PLCG2: variants seen among roughly 807,000 people sequenced by gnomAD.
PLCG2 encodes phospholipase C gamma 2.
In PLCG2, 69 loss-of-function variants were observed where a neutral mutation model predicts 175.6. That is an observed-to-expected ratio of 0.39 (90% CI 0.32 to 0.48). The LOEUF is 0.48. Ranked by LOEUF, PLCG2 falls within the 20% of genes least tolerant of loss-of-function variation. PLCG2 has a pLI of 0.91. For synonymous variants in PLCG2, 827 were observed against 624.0 expected (o/e 1.33, Z -4.85); for missense variants, 1,798 against 1,650.9 (o/e 1.09, Z -1.54).
chr16:81,943,485 C>T (rs1187165973), intron 30 of PLCG2, among the ~76,000 whole-genome samples: 2 of 152,164 alleles, frequency 1.3e-5, no homozygotes, highest in East Asian at 1.9e-4. Context: ...CCAGTCACCT[C>T]CCACCCGGCC....
chr16:81,822,057 C>T (rs577798318), intron 2 of PLCG2, among the ~76,000 whole-genome samples: 14 of 152,318 alleles, frequency 9.2e-5, no homozygotes, highest in South Asian at 8.3e-4. Flanking sequence ...AGCACCCTTA[C>T]GCTGCAGAGA....
chr16:81,840,048 C>T (rs1258888052), intron 2 of PLCG2, among the ~76,000 whole-genome samples: 1 of 152,158 alleles, frequency 6.6e-6, no homozygotes, highest in African/African-American at 2.4e-5. Flanking sequence ...CAGGGCATGA[C>T]CTTGTCTCCA....
chr16:81,919,956 AG>A, intron 20 of PLCG2, among the ~76,000 whole-genome samples: 1 of 152,298 alleles, frequency 6.6e-6, no homozygotes, highest in Non-Finnish European at 1.5e-5. Context: ...GTGATGGGGA[AG>A]GGGTTGAAGT....
At chr16:81,916,450 T>G (rs1258923559) in intron 19 of PLCG2, among the ~76,000 whole-genome samples, 1 of 152,214 alleles carries the variant, frequency 6.6e-6, no homozygotes, top group Admixed American at 6.5e-5. Flanking sequence ...TGCCTCTAGA[T>G]GCTTTTCCTA....
At chr16:81,752,982 C>G (rs549411496) in intron 1 of PLCG2, among the ~76,000 whole-genome samples, 1 of 152,334 alleles carries the variant, frequency 6.6e-6, no homozygotes, top group East Asian at 1.9e-4. Flanking sequence ...CACGGTACTT[C>G]GAAGGTCTGT....
At chr16:81,910,816 C>A (rs1909590179) in intron 18 of PLCG2, 96 bp downstream of exon 18, 2 of 1,156,604 alleles carry the variant, frequency 1.7e-6, no homozygotes, top group Admixed American at 1.7e-5. Context: ...GCCAGTCCCC[C>A]AGGACACCCT....
chr16:81,921,936 T>C (rs1361585139), intron 21 of PLCG2, among the ~76,000 whole-genome samples: 1 of 152,148 alleles, frequency 6.6e-6, no homozygotes, highest in Non-Finnish European at 1.5e-5. Context: ...TCTTGAAAAG[T>C]TGTGGGCAAA....
chr16:81,751,746 G>A lies in PLCG2; in HGVS notation c.-144-4124G>A, dbSNP rs116384550. 8.4e-3 allele frequency among the ~76,000 whole-genome samples: 1,273 copies of A among 152,166 alleles called. 17 individuals carry two copies. Among genetic ancestry groups the A allele is most frequent in the African/African-American group, 0.029 (1,185 of 41,502 alleles). The stretch of plus-strand genomic sequence containing the variant: ...CCTATAAATATGTAAAAGAGTCCGG[G>A]TGCAGTGGCTCACAGCTGTAATCCT... On this transcript the variant is annotated intron_variant, in intron 1 of 5. Coordinates refer to the PLCG2 transcript ENST00000565054.
In PLCG2 at chr16:81,869,236, A is replaced by G. The variant is rs753974933; in HGVS notation, c.502A>G (p.Thr168Ala). Residue 168 changes from threonine (T) to alanine (A), a missense_variant, in exon 6 of 33, where the codon ACC becomes GCC. Thr to Ala is a moderately conservative substitution (Grantham distance 58, BLOSUM62 0). Transcript: ENST00000564138. ...RNSISLRELKTILPLINFKVS... is the reference protein window; with the variant it reads ...RNSISLRELKAILPLINFKVS... ...CAGCATCAGTCTCCGAGAGTTGAAG[A>G]CCATCTTGCCCCTGATCAACTTTAA... The G allele has an allele frequency of 3.8e-5, 61 of 1,613,932 alleles. No homozygotes were observed. The Middle Eastern group carries it at 4.9e-4, about 13-fold the overall frequency.
chr16:81,818,909 C>CTTTTTTTTTTTTT (rs1904673567), intron 2 of PLCG2, among the ~76,000 whole-genome samples: 2 of 54,374 alleles, frequency 3.7e-5, no homozygotes, highest in African/African-American at 1.9e-4. Flanking sequence ...TTTTTTTTTA[C>CTTTTTTTTTTTTT]TGTGGTGGGG....
rs1365071517 is a variant in PLCG2, at chr16:81,960,621, C to A, written c.*2623C>A. The A allele has an allele frequency of 4.3e-6, 1 of 231,492 alleles. No individual in the cohort carries two copies. Among genetic ancestry groups the A allele is most frequent in the Non-Finnish European group, 8.6e-6 (1 of 116,926 alleles). The allele number at this position is 231,492 out of a possible 1,614,324, so 14.3% of individuals were successfully genotyped here. A position where few individuals can be genotyped will look rare whatever the true frequency, so the allele number is the denominator to read the frequency against. On this transcript the variant is annotated 3_prime_UTR_variant, in exon 33 of 33. Transcript: ENST00000564138. Reference sequence around the variant, plus strand: ...GAGGGTCTTGTTTTCCAAATTCGATCTCAGAATCTTTTTGCCAGAAGTGTC... The same window carrying A: ...GAGGGTCTTGTTTTCCAAATTCGATATCAGAATCTTTTTGCCAGAAGTGTC...
At chr16:81,862,567 T>C (rs1033172046) in intron 5 of PLCG2, among the ~76,000 whole-genome samples, 7 of 152,162 alleles carry the variant, frequency 4.6e-5, no homozygotes, top group Non-Finnish European at 1.0e-4. Context: ...TTTTCTTTTT[T>C]CTTTTTTTAA....
intron 2 of PLCG2, among the ~76,000 whole-genome samples, chr16:81,823,585 G>T (rs1345981970): frequency 6.6e-6 from 1 of 152,168 alleles, no homozygotes; most frequent in African/African-American, 2.4e-5. Context: ...GAGGGCAGTA[G>T]TGTGATCATA....
intron 2 of PLCG2, among the ~76,000 whole-genome samples, chr16:81,842,025 C>T (rs996508651): frequency 6.6e-6 from 1 of 152,236 alleles, no homozygotes; most frequent in African/African-American, 2.4e-5. Flanking sequence ...ATTTTTATTT[C>T]ATGTTATTTC....
intron 5 of PLCG2, among the ~76,000 whole-genome samples, chr16:81,860,212 A>T (rs968062851): frequency 1.5e-5 from 2 of 136,602 alleles, no homozygotes; most frequent in African/African-American, 5.8e-5. Flanking sequence ...TTACCCAGAC[A>T]TTTTTTTTTA....
At chr16:81,880,713 T>C (rs1206295122) in intron 7 of PLCG2, among the ~76,000 whole-genome samples, 197 bp from the exon 8 acceptor site, 3 of 152,226 alleles carry the variant, frequency 2.0e-5, no homozygotes, top group African/African-American at 7.2e-5. Context: ...GTGGAGGGAA[T>C]GAGGAGGGCT....
At chr16:81,885,099 G>A (rs986583820) in intron 9 of PLCG2, among the ~76,000 whole-genome samples, 1 of 151,208 alleles carries the variant, frequency 6.6e-6, no homozygotes, top group Non-Finnish European at 1.5e-5. Flanking sequence ...TCACCAGGCT[G>A]GAGTACAATG....
chr16:81,928,706 T>G, intron 24 of PLCG2, 82 bp downstream of exon 24: 1 of 913,832 alleles, frequency 1.1e-6, no homozygotes, highest in Non-Finnish European at 1.8e-6. Context: ...CACAGGGAGG[T>G]GGCTGACACA....
chr16:81,811,917 T>C (rs1904336047), intron 2 of PLCG2, among the ~76,000 whole-genome samples: 1 of 152,174 alleles, frequency 6.6e-6, no homozygotes, highest in Non-Finnish European at 1.5e-5. Context: ...ATGGTATTTC[T>C]GGTGCTAGAT....
Sources: gnomAD v4.1 joint callset for allele counts (sites outside exome capture counted in the v4.1 genomes callset) on GRCh38, gnomAD v4.1.1 for gene constraint, MANE v1.5 for transcripts, NCBI Gene and HGNC (gene_info 2026-07-23, HGNC 2026-07-21) for gene names.